CNTNAP4: variants seen among roughly 807,000 people sequenced by gnomAD.
CNTNAP4 encodes the protein contactin associated protein family member 4, also known as contactin-associated protein-like 4.
In CNTNAP4, 98 loss-of-function variants were observed where a neutral mutation model predicts 148.4. That is an observed-to-expected ratio of 0.66 (90% CI 0.56 to 0.78). The LOEUF (loss-of-function observed/expected upper bound fraction) is 0.78, where lower values mean the gene tolerates loss of function less well. CNTNAP4 is among the 30% of genes least tolerant of loss of function. The pLI, the probability that CNTNAP4 is intolerant of heterozygous loss-of-function variation, is 0.00. For missense variants in CNTNAP4, 1,935 were observed against 1,565.6 expected (o/e 1.24, Z -3.98); for synonymous variants, 730 against 565.1 (o/e 1.29, Z -4.14).
intron 23 of CNTNAP4, chr16:76,558,179 A>C (rs2085273771): frequency 9.5e-6 from 2 of 209,910 alleles, no homozygotes; most frequent in Admixed American, 1.2e-4. Context: ...TGAAGTGGCC[A>C]CATGGCCACA....
intron 13 of CNTNAP4, among the ~76,000 whole-genome samples, chr16:76,491,372 T>C (rs930554496): frequency 2.6e-5 from 4 of 152,220 alleles, no homozygotes; most frequent in African/African-American, 9.6e-5. Context: ...AAACCTTGAT[T>C]CATGAAATGG....
At chr16:76,519,826 A>C (rs1469571195) in intron 15 of CNTNAP4, among the ~76,000 whole-genome samples, 1 of 152,244 alleles carries the variant, frequency 6.6e-6, no homozygotes, top group Non-Finnish European at 1.5e-5. Context: ...GTCCACACAC[A>C]AGCTGAGAAT....
chr16:76,336,358 A>T (rs1964024706), intron 2 of CNTNAP4, among the ~76,000 whole-genome samples: 2 of 152,210 alleles, frequency 1.3e-5, no homozygotes, highest in African/African-American at 4.8e-5. Context: ...CCAGCTCAGC[A>T]TTATCAAGTT....
At chr16:76,431,235 T>C (rs1299859913) in intron 4 of CNTNAP4, among the ~76,000 whole-genome samples, 2 of 152,152 alleles carry the variant, frequency 1.3e-5, no homozygotes, top group African/African-American at 4.8e-5. Context: ...AGAGGATTGC[T>C]GGAATGATTA....
intron 3 of CNTNAP4, among the ~76,000 whole-genome samples, chr16:76,396,277 T>A (rs752023311): frequency 6.6e-6 from 1 of 152,208 alleles, no homozygotes; most frequent in African/African-American, 2.4e-5. Flanking sequence ...AATGTATTGA[T>A]TGCAGTAACA....
At chr16:76,520,029 A>G (rs1429484956) in intron 15 of CNTNAP4, among the ~76,000 whole-genome samples, 5 of 152,218 alleles carry the variant, frequency 3.3e-5, no homozygotes, top group Admixed American at 1.3e-4. Context: ...CTGTTTTCCA[A>G]CATCAGAGGA....
At position 76,490,402 on chromosome 16, in the gene CNTNAP4, CT is replaced by C. The variant is rs377276788; in HGVS notation, c.2080+522del. The stretch of plus-strand genomic sequence containing the variant: ...GAGGAATCAGAAAACCATCTTGACT[CT>C]TTATTTGATTCTGCTGTGAATAACC... On this transcript the variant is annotated intron_variant, in intron 13 of 23. Coordinates refer to ENST00000611870, the MANE Select transcript of CNTNAP4 (RefSeq NM_033401.5). 3.2e-4 allele frequency among the ~76,000 whole-genome samples: 48 copies of C among 152,266 alleles called. 1 individual carries two copies. The South Asian group carries it at 9.3e-3, about 30-fold the overall frequency.
At chr16:76,435,193 C>T (rs2079773874) in intron 4 of CNTNAP4, among the ~76,000 whole-genome samples, 1 of 152,114 alleles carries the variant, frequency 6.6e-6, no homozygotes, top group African/African-American at 2.4e-5. Flanking sequence ...TGGAAGTTGA[C>T]TGAAGGGCTG....
At chr16:76,491,500 A>G (rs2082219863) in intron 13 of CNTNAP4, among the ~76,000 whole-genome samples, 1 of 152,246 alleles carries the variant, frequency 6.6e-6, no homozygotes, top group Admixed American at 6.5e-5. Context: ...AGTGCATGGC[A>G]TGAGCCCCCC....
chr16:76,422,971 G>A (rs1455794065), intron 3 of CNTNAP4, among the ~76,000 whole-genome samples: 1 of 152,174 alleles, frequency 6.6e-6, no homozygotes, highest in East Asian at 1.9e-4. Flanking sequence ...AGTTGATTAG[G>A]TCAAGAGTCC....
At chr16:76,359,405 T>C (rs901530171) in intron 3 of CNTNAP4, among the ~76,000 whole-genome samples, 1 of 152,158 alleles carries the variant, frequency 6.6e-6, no homozygotes, top group African/African-American at 2.4e-5. Context: ...TCAACACGGA[T>C]TGAAATGCTG....
In CNTNAP4 at chr16:76,355,333, C is replaced by T. The variant is rs371066872; in HGVS notation, c.212C>T (p.Ser71Phe). ...TTAATAAAAGGAGCTGGTGGCTGGTCTCCACTTGTGTCTAACAAATACCAG... is the reference window on the plus strand; with the variant it reads ...TTAATAAAAGGAGCTGGTGGCTGGTTTCCACTTGTGTCTAACAAATACCAG... ...LNRRDGAGGW[S>F]PLVSNKYQWL... Residue 71 changes from serine to phenylalanine, a missense_variant, in exon 3 of 24, where the codon TCT becomes TTT. Transcript: ENST00000611870. 13 of 1,563,412 alleles carry T rather than the reference C, an allele frequency of 8.3e-6. No individual in the cohort carries two copies. The highest frequency in any genetic ancestry group is 1.1e-5 in the Non-Finnish European group (13 of 1,156,348).
At chr16:76,331,663 A>T in intron 2 of CNTNAP4, among the ~76,000 whole-genome samples, 1 of 152,190 alleles carries the variant, frequency 6.6e-6, no homozygotes, top group East Asian at 1.9e-4. Flanking sequence ...TTCACAAATT[A>T]TATCCTTATG....
At chr16:76,322,417 T>C (rs1371584718) in intron 2 of CNTNAP4, among the ~76,000 whole-genome samples, 1 of 152,214 alleles carries the variant, frequency 6.6e-6, no homozygotes, top group East Asian at 1.9e-4. Context: ...CTCCTTCTTC[T>C]CTTTCGTATT....
chr16:76,380,977 C>A (rs1407197021), intron 3 of CNTNAP4, among the ~76,000 whole-genome samples: 1 of 152,152 alleles, frequency 6.6e-6, no homozygotes, highest in Non-Finnish European at 1.5e-5. Flanking sequence ...GGATCTTAGT[C>A]TTTCGTATTC....
chr16:76,514,258 C>T (rs2083147811), intron 15 of CNTNAP4, among the ~76,000 whole-genome samples: 1 of 152,142 alleles, frequency 6.6e-6, no homozygotes, highest in Non-Finnish European at 1.5e-5. Flanking sequence ...TGTTACTTAT[C>T]TCATTTACTA....
At chr16:76,395,100 T>G (rs1419750226) in intron 3 of CNTNAP4, among the ~76,000 whole-genome samples, 1 of 152,134 alleles carries the variant, frequency 6.6e-6, no homozygotes, top group Non-Finnish European at 1.5e-5. Context: ...ACTCTCCCAA[T>G]GACCATCATG....
intron 2 of CNTNAP4, among the ~76,000 whole-genome samples, chr16:76,338,100 A>G (rs370859294): frequency 6.6e-6 from 1 of 152,366 alleles, no homozygotes; most frequent in East Asian, 1.9e-4. Context: ...ATTAAAGTAA[A>G]GACAGACATA....
intron 1 of CNTNAP4, among the ~76,000 whole-genome samples, chr16:76,294,156 G>C (rs528769319): frequency 2.4e-4 from 36 of 152,160 alleles, no homozygotes; most frequent in African/African-American, 8.2e-4. Flanking sequence ...TTCCAGTCAG[G>C]GTGGTGAGGT....
Sources: allele counts gnomAD v4.1 joint callset (sites outside exome capture counted in the v4.1 genomes callset), GRCh38; gene constraint gnomAD v4.1.1; transcripts MANE v1.5; gene names NCBI Gene and HGNC (gene_info 2026-07-23, HGNC 2026-07-21).